The following KCNB2 variants were observed in gnomAD, a reference collection of about 807,000 sequenced individuals.
The protein encoded by KCNB2 is delayed rectifier potassium channel protein.
In KCNB2, 15 loss-of-function variants were observed where a neutral mutation model predicts 61.5. That is an observed-to-expected ratio of 0.24 (90% CI 0.16 to 0.38). KCNB2 has a LOEUF of 0.38. KCNB2 is among the 10% of genes least tolerant of loss of function. The pLI is 1.00. For synonymous variants in KCNB2, 457 were observed against 446.0 expected (o/e 1.02, Z -0.31); for missense variants, 828 against 1,125.2 (o/e 0.74, Z 3.78).
rs1221779474 is a variant in KCNB2 at position 72,936,382 on chromosome 8, G to T, written c.1027G>T (p.Ala343Ser). ...ATTGGGCTTGTTGATATTGTTTCTG[G>T]CCATGGGGATAATGATATTTTCCAG... ...NELGLLILFL[A>S]MGIMIFSSLV... The change falls in exon 3 of 3, where the codon GCC becomes TCC. Residue 343 changes from alanine to serine, a missense_variant. Ala to Ser is a moderately conservative substitution (Grantham distance 99, BLOSUM62 1). Around this residue, in one of 4 missense-constraint regions of KCNB2, gnomAD observed 44 missense variants for 167.6 expected, o/e 0.26. Coordinates refer to ENST00000523207, the MANE Select transcript of KCNB2 (RefSeq NM_004770.3). This position sits in a 1 kb window ranked among gnomAD's most constrained non-coding sequence, Gnocchi z 5.6. 1 of 1,614,222 alleles carries T rather than the reference G, an allele frequency of 6.2e-7. No individual in the cohort carries two copies. The highest frequency in any genetic ancestry group is 8.5e-7 in the Non-Finnish European group (1 of 1,180,042).
chr8:72,632,343 A>G (rs373733755), intron 2 of KCNB2, among the ~76,000 whole-genome samples: 1 of 152,288 alleles, frequency 6.6e-6, no homozygotes, highest in African/African-American at 2.4e-5. Flanking sequence ...TTGTCAATAA[A>G]TAAATTTGTA....
chr8:72,614,325 A>T (rs912622021), intron 2 of KCNB2, among the ~76,000 whole-genome samples: 1 of 152,158 alleles, frequency 6.6e-6, no homozygotes, highest in African/African-American at 2.4e-5. Flanking sequence ...CCATTGAAGG[A>T]TTTGTTGTCA....
chr8:72,766,949 G>A (rs560832102), intron 2 of KCNB2, among the ~76,000 whole-genome samples: 15 of 152,224 alleles, frequency 9.9e-5, no homozygotes, highest in Admixed American at 4.6e-4. Flanking sequence ...GGTGGGAAGC[G>A]AAAGGCACTT....
At chr8:72,671,028 T>C (rs756939924) in intron 2 of KCNB2, among the ~76,000 whole-genome samples, 2 of 152,196 alleles carry the variant, frequency 1.3e-5, no homozygotes, top group Non-Finnish European at 2.9e-5. Flanking sequence ...ATTTTGTACC[T>C]ACATAATAAA....
At chr8:72,699,517 T>C (rs1422400077) in intron 2 of KCNB2, among the ~76,000 whole-genome samples, 2 of 152,126 alleles carry the variant, frequency 1.3e-5, no homozygotes, top group African/African-American at 4.8e-5. Flanking sequence ...ATGGGTAGAT[T>C]GCAAAAATTT....
intron 2 of KCNB2, among the ~76,000 whole-genome samples, chr8:72,594,454 G>T (rs1327494049): frequency 6.6e-6 from 1 of 152,140 alleles, no homozygotes; most frequent in Non-Finnish European, 1.5e-5. Flanking sequence ...TTGGAGATTT[G>T]GTTGGGAATG....
chr8:72,617,966 C>T (rs1012627436), intron 2 of KCNB2, among the ~76,000 whole-genome samples: 1 of 152,158 alleles, frequency 6.6e-6, no homozygotes, highest in African/African-American at 2.4e-5. Flanking sequence ...CTTCAGGGCT[C>T]ACAGCATGGA....
At chr8:72,575,954 A>G (rs1182098813) in intron 2 of KCNB2, among the ~76,000 whole-genome samples, 1 of 152,184 alleles carries the variant, frequency 6.6e-6, no homozygotes, top group East Asian at 1.9e-4. Context: ...TGACATTGCT[A>G]ACTGATCCCA....
At chr8:72,603,040 TATC>T (rs774284951) in intron 2 of KCNB2, among the ~76,000 whole-genome samples, 38 of 152,130 alleles carry the variant, frequency 2.5e-4, no homozygotes, top group Non-Finnish European at 5.0e-4. Flanking sequence ...CCAGTGAAAT[TATC>T]ATCTTGAGTT....
intron 2 of KCNB2, among the ~76,000 whole-genome samples, chr8:72,929,413 C>T (rs558449776): frequency 2.0e-5 from 3 of 152,280 alleles, no homozygotes; most frequent in East Asian, 3.9e-4. Context: ...GAAGAAATAA[C>T]GTAATCATCC....
At chr8:72,759,689 G>GGAGATA (rs201850092) in intron 2 of KCNB2, among the ~76,000 whole-genome samples, 50 of 152,260 alleles carry the variant, frequency 3.3e-4, no homozygotes, top group South Asian at 1.0e-3. Flanking sequence ...CTAGGGCCTT[G>GGAGATA]GAGATAGAGA....
chr8:72,778,128 AC>A (rs1808687204), intron 2 of KCNB2, among the ~76,000 whole-genome samples: 1 of 152,178 alleles, frequency 6.6e-6, no homozygotes, highest in Non-Finnish European at 1.5e-5. Context: ...CTGTGGGTGG[AC>A]CATATAACAC....
In KCNB2 at chr8:72,780,350, C is replaced by G. The variant is rs567442474; in HGVS notation, c.580-155585C>G. ...CTTTGCATTATTCCTCTTCTATTTCCTCTATCAAATAAGTGCAAATATCAT... is the reference window on the plus strand; with the variant it reads ...CTTTGCATTATTCCTCTTCTATTTCGTCTATCAAATAAGTGCAAATATCAT... On this transcript the variant is annotated intron_variant, in intron 2 of 2. Coordinates refer to ENST00000523207, the MANE Select transcript of KCNB2 (RefSeq NM_004770.3). Among the ~76,000 whole-genome samples, 71 of 152,100 alleles carry G rather than the reference C, an allele frequency of 4.7e-4. 1 individual carries two copies. The highest frequency in any genetic ancestry group is 1.7e-3 in the African/African-American group (70 of 41,502).
At chr8:72,773,220 A>T (rs1316050153) in intron 2 of KCNB2, among the ~76,000 whole-genome samples, 1 of 152,188 alleles carries the variant, frequency 6.6e-6, no homozygotes, top group Non-Finnish European at 1.5e-5. Flanking sequence ...TCAGTCACTC[A>T]GCTGCCTCCC....
intron 2 of KCNB2, among the ~76,000 whole-genome samples, chr8:72,602,724 T>C (rs570344271): frequency 9.9e-5 from 15 of 152,266 alleles, no homozygotes; most frequent in Admixed American, 6.5e-4. Flanking sequence ...AGTCGGCTGG[T>C]TGAATTCAGC....
chr8:72,556,096 G>A (rs1199263005), intron 1 of KCNB2, among the ~76,000 whole-genome samples: 3 of 152,130 alleles, frequency 2.0e-5, no homozygotes, highest in Middle Eastern at 3.4e-3. Context: ...TACAAGTCAC[G>A]TGAACTCAGG....
At chr8:72,933,688 C>CTT (rs1197324581) in intron 2 of KCNB2, among the ~76,000 whole-genome samples, 4 of 152,312 alleles carry the variant, frequency 2.6e-5, no homozygotes, top group African/African-American at 7.2e-5. Flanking sequence ...TGTTACCCTG[C>CTT]CATTGGCTTC....
At chr8:72,781,067 G>T (rs531733968) in intron 2 of KCNB2, among the ~76,000 whole-genome samples, 63 of 152,052 alleles carry the variant, frequency 4.1e-4, no homozygotes, top group South Asian at 3.1e-3. Context: ...TTTTGATGGG[G>T]TTGTTTTTTT....
intron 2 of KCNB2, among the ~76,000 whole-genome samples, chr8:72,912,754 T>G (rs1488594512): frequency 6.6e-6 from 1 of 152,020 alleles, no homozygotes; most frequent in Non-Finnish European, 1.5e-5. Flanking sequence ...GTGCCAGGAT[T>G]TGGACCCACA....
Sources: gnomAD v4.1 joint callset for allele counts (sites outside exome capture counted in the v4.1 genomes callset) on GRCh38, gnomAD v4.1.1 for gene constraint, gnomAD v4.1.1 regional missense constraint, Gnocchi (gnomAD v3.1) non-coding constraint, MANE v1.5 for transcripts, NCBI Gene and HGNC (gene_info 2026-07-23, HGNC 2026-07-21) for gene names.